ZMYM2: variants seen among roughly 807,000 people sequenced by gnomAD.
ZMYM2 encodes the protein zinc finger MYM-type containing 2.
In ZMYM2, 56 loss-of-function variants were observed where a neutral mutation model predicts 162.8. The ratio of observed to expected loss-of-function variants is 0.34; its 90% confidence interval spans 0.28 to 0.43. The LOEUF (loss-of-function observed/expected upper bound fraction) is 0.43. ZMYM2 is among the 20% of genes least tolerant of loss of function. The pLI is 1.00. For missense variants in ZMYM2, 1,275 were observed against 1,621.8 expected (o/e 0.79, Z 3.67); for synonymous variants, 510 against 541.6 (o/e 0.94, Z 0.81).
At chr13:19,924,930 T>C in the ZMYM2 span, among the ~76,000 whole-genome samples, 2 of 151,400 alleles carry the variant, frequency 1.3e-5, no homozygotes, top group Admixed American at 1.3e-4. Context: ...GTTGCACAGG[T>C]TGGAGTGCAA....
chr13:19,965,159 CAG>C, intron 2 of ZMYM2: 1 of 984,092 alleles, frequency 1.0e-6, no homozygotes, highest in Non-Finnish European at 1.3e-6. Flanking sequence ...AAGTTGCAGA[CAG>C]AATAATGTTT....
rs777723744 is a variant in ZMYM2, at chr13:20,059,511, T to G, written c.2688T>G (p.Pro896=). ...PIPVPVYIPV[P]MHMYSQNIPV... is the part of the protein sequence containing the mutation. Reference sequence around the variant, plus strand: ...CTGTGCCTGTGTATATCCCAGTTCCTATGCACATGTACAGTCAGAATATTC... The same window carrying G: ...CTGTGCCTGTGTATATCCCAGTTCCGATGCACATGTACAGTCAGAATATTC... Residue 896 remains proline (P), a synonymous_variant, in exon 16 of 25, where the codon CCT becomes CCG. Coordinates refer to ENST00000610343, the MANE Select transcript of ZMYM2 (RefSeq NM_197968.4). 4.9e-5 allele frequency: 73 copies of G among 1,479,788 alleles called. No homozygotes were observed. The highest frequency in any genetic ancestry group is 6.8e-5 in the Non-Finnish European group (72 of 1,057,876). 91.7% of individuals were successfully genotyped at this position (1,479,788 alleles called of 1,614,324 possible).
intron 21 of ZMYM2, among the ~76,000 whole-genome samples, chr13:20,077,635 G>A (rs1957598807): frequency 7.1e-6 from 1 of 141,346 alleles, no homozygotes; most frequent in Admixed American, 6.7e-5. Context: ...GCAAAGGGAT[G>A]AGAGAGGGAC....
rs1428195420 is a variant in ZMYM2, at chr13:19,993,884, T to C, written c.812T>C (p.Phe271Ser). The stretch of plus-strand genomic sequence containing the variant: ...AGAATGAATGTGGCAGGAGACGTTT[T>C]TCAGAATGGAGAATCTGCAACTCAT... ...PGRMNVAGDVFQNGESATHHN... is the reference protein window; with the variant it reads ...PGRMNVAGDVSQNGESATHHN... The change falls in exon 3 of 25, where the codon TTT becomes TCT. Residue 271 changes from phenylalanine (F) to serine (S), a missense_variant. Around this residue, in one of 10 missense-constraint regions of ZMYM2, gnomAD observed 115 missense variants for 175.3 expected, o/e 0.66. Coordinates refer to ENST00000610343, the MANE Select transcript of ZMYM2 (RefSeq NM_197968.4). The C allele has an allele frequency of 1.2e-6, 2 of 1,613,588 alleles. No homozygotes were observed. Among genetic ancestry groups the C allele is most frequent in the African/African-American group, 1.3e-5 (1 of 74,926 alleles).
At chr13:19,912,829 C>T in the ZMYM2 span, among the ~76,000 whole-genome samples, 1 of 152,136 alleles carries the variant, frequency 6.6e-6, no homozygotes, top group Admixed American at 6.5e-5. Flanking sequence ...AGTGTAATTT[C>T]TAGTTGTGTG....
At chr13:19,876,900 C>G in the ZMYM2 span, among the ~76,000 whole-genome samples, 3 of 152,120 alleles carry the variant, frequency 2.0e-5, no homozygotes, top group African/African-American at 7.2e-5. Flanking sequence ...TGTTGCTAAA[C>G]AGAATACCTG....
chr13:19,900,470 T>C, the ZMYM2 span, among the ~76,000 whole-genome samples: 416 of 152,264 alleles, frequency 2.7e-3, 2 homozygotes, highest in African/African-American at 7.7e-3. Context: ...AAAAGCCTAG[T>C]ACTAGATGGG....
chr13:19,946,588 TTC>T, the ZMYM2 span, among the ~76,000 whole-genome samples: 7 of 152,240 alleles, frequency 4.6e-5, no homozygotes, highest in African/African-American at 1.4e-4. Context: ...TTTGTTTACT[TTC>T]TGTTTATTGG....
chr13:20,077,824 A>G (rs577039616), intron 21 of ZMYM2, among the ~76,000 whole-genome samples: 3 of 147,098 alleles, frequency 2.0e-5, no homozygotes, highest in South Asian at 2.2e-4. Context: ...AGGGAGAAAC[A>G]TGAAAAGGTT....
chr13:20,081,922 A>T, intron 21 of ZMYM2, 94 bp from the exon 22 acceptor site: 1 of 719,650 alleles, frequency 1.4e-6, no homozygotes. Flanking sequence ...ATAAAGCTTT[A>T]TTTTTTTCTT....
At chr13:19,965,108 C>A in intron 2 of ZMYM2, 16 of 420,960 alleles carry the variant, frequency 3.8e-5, no homozygotes, top group East Asian at 2.2e-4. Flanking sequence ...AAGAAAAATA[C>A]TTACATAGCT....
At chr13:20,082,676 G>T (rs1171967460) in intron 22 of ZMYM2, 105 bp from the exon 23 acceptor site, 3 of 979,978 alleles carry the variant, frequency 3.1e-6, no homozygotes. Context: ...TATGAAAGGA[G>T]AATTGGTATA....
intron 4 of ZMYM2, 75 bp downstream of exon 4, chr13:20,003,210 A>AT: frequency 2.7e-6 from 4 of 1,479,570 alleles, no homozygotes; most frequent in Non-Finnish European, 3.6e-6. Context: ...AGTGAAACAG[A>AT]TTTGTAATAC....
chr13:19,926,504 C>T, the ZMYM2 span, among the ~76,000 whole-genome samples: 17 of 151,584 alleles, frequency 1.1e-4, no homozygotes, highest in Admixed American at 7.9e-4. Flanking sequence ...GCTGGGATTA[C>T]GGGCATGGGC....
At chr13:19,888,636 G>T in the ZMYM2 span, among the ~76,000 whole-genome samples, 2 of 151,662 alleles carry the variant, frequency 1.3e-5, no homozygotes, top group Non-Finnish European at 2.9e-5. Context: ...TTTGCCTCTT[G>T]TTCCCCAGGC....
chr13:20,077,122 C>G (rs1957562116), intron 21 of ZMYM2, among the ~76,000 whole-genome samples: 1 of 150,714 alleles, frequency 6.6e-6, no homozygotes, highest in African/African-American at 2.5e-5. Flanking sequence ...GAGGTTGATT[C>G]AGGCTATTTG....
At chr13:19,967,549 A>C (rs1029608583) in intron 2 of ZMYM2, among the ~76,000 whole-genome samples, 1 of 152,238 alleles carries the variant, frequency 6.6e-6, no homozygotes, top group Non-Finnish European at 1.5e-5. Context: ...TACATTTAAT[A>C]CATTTATCAA....
chr13:20,048,804 GTTT>G (rs60116074), intron 12 of ZMYM2, among the ~76,000 whole-genome samples: 1,915 of 143,614 alleles, frequency 0.013, 14 homozygotes, highest in Middle Eastern at 0.021. Context: ...CCTGTGACTT[GTTT>G]TTTTTTTTTT....
chr13:19,948,854 A>G, the ZMYM2 span, among the ~76,000 whole-genome samples: 2 of 152,208 alleles, frequency 1.3e-5, no homozygotes, highest in African/African-American at 2.4e-5. Flanking sequence ...TAAAAAATGA[A>G]GTCAATTAAG....
Sources: gnomAD v4.1 joint callset for allele counts (sites outside exome capture counted in the v4.1 genomes callset) on GRCh38, gnomAD v4.1.1 for gene constraint, gnomAD v4.1.1 regional missense constraint, MANE v1.5 for transcripts, NCBI Gene and HGNC (gene_info 2026-07-23, HGNC 2026-07-21) for gene names.